Variants in LYRM4 observed in about 807,000 individuals in gnomAD.
LYRM4 encodes LYR motif-containing protein 4.
In LYRM4, 9 loss-of-function variants were observed where a neutral mutation model predicts 11.7. The observed-to-expected ratio is 0.77, with a 90% CI of 0.46 to 1.34. The LOEUF (loss-of-function observed/expected upper bound fraction) is 1.34, where lower values mean the gene tolerates loss of function less well. Ranked by LOEUF, LYRM4 falls within the 40% of genes most tolerant of loss-of-function variation. The pLI, the probability that LYRM4 is intolerant of heterozygous loss-of-function variation, is 0.00. For synonymous variants in LYRM4, 42 were observed against 40.4 expected (o/e 1.04, Z -0.15); for missense variants, 133 against 112.5 (o/e 1.18, Z -0.82).
intron 2 of LYRM4, among the ~76,000 whole-genome samples, chr6:5,198,124 G>A (rs1406802860): frequency 2.0e-5 from 3 of 152,166 alleles, no homozygotes; most frequent in Non-Finnish European, 4.4e-5. Context: ...CTTGAACCCA[G>A]AAGGCGGAGG....
chr6:5,064,644 A>G, the LYRM4 span, among the ~76,000 whole-genome samples: 5 of 152,152 alleles, frequency 3.3e-5, no homozygotes, highest in South Asian at 2.1e-4. Flanking sequence ...CCTCAAGGCA[A>G]TCCTCTCGCC....
chr6:5,215,582 A>G (rs747646581), intron 2 of LYRM4, among the ~76,000 whole-genome samples: 4 of 152,258 alleles, frequency 2.6e-5, no homozygotes, highest in Admixed American at 6.5e-5. Context: ...TGTAGGCAAT[A>G]TAACAAGACC....
rs759515417 is a variant in LYRM4 at position 5,222,408 on chromosome 6, C to T, written c.87-5670G>A. On this transcript the variant is annotated intron_variant, in intron 1 of 2. Transcript: ENST00000330636. ...TCAAGAAATACATACTAAATGCCTA[C>T]TATATAAGCATTATGCCAGGAGCTG... 6.4e-4 allele frequency among the ~76,000 whole-genome samples: 98 copies of T among 152,236 alleles called. 1 individual carries two copies. The highest frequency in any genetic ancestry group is 1.2e-3 in the Non-Finnish European group (80 of 68,022).
intron 2 of LYRM4, chr6:5,136,666 C>G (rs879940494): frequency 3.1e-5 from 31 of 985,290 alleles, no homozygotes; most frequent in Non-Finnish European, 3.7e-5. Flanking sequence ...AAGAAGGTGG[C>G]ATTTACAAAT....
chr6:5,214,558 C>A (rs1025024662), intron 2 of LYRM4, among the ~76,000 whole-genome samples: 7 of 152,026 alleles, frequency 4.6e-5, no homozygotes, highest in African/African-American at 1.7e-4. Context: ...GAGAACAGAC[C>A]ATGTGTGGGG....
At chr6:5,187,832 GA>G (rs56932935) in intron 2 of LYRM4, among the ~76,000 whole-genome samples, 1 of 150,862 alleles carries the variant, frequency 6.6e-6, no homozygotes, top group Non-Finnish European at 1.5e-5. Flanking sequence ...TGTGTTAGTG[GA>G]AAAAAAAAGA....
At chr6:5,061,245 C>T in the LYRM4 span, among the ~76,000 whole-genome samples, 1 of 152,044 alleles carries the variant, frequency 6.6e-6, no homozygotes, top group South Asian at 2.1e-4. Context: ...AGATTTTTGT[C>T]TCTTTTAACC....
chr6:5,175,957 C>T (rs1759691429), intron 2 of LYRM4, among the ~76,000 whole-genome samples: 1 of 152,180 alleles, frequency 6.6e-6, no homozygotes, highest in Non-Finnish European at 1.5e-5. Context: ...TTTGAGTACA[C>T]CCAGTGTTAC....
chr6:5,131,486 G>A (rs1020419851), intron 2 of LYRM4, among the ~76,000 whole-genome samples: 1 of 152,164 alleles, frequency 6.6e-6, no homozygotes, highest in African/African-American at 2.4e-5. Context: ...GATCACTTGA[G>A]GCCAGGAGTT....
chr6:5,122,602 T>G (rs1763507792), intron 2 of LYRM4, among the ~76,000 whole-genome samples: 1 of 152,190 alleles, frequency 6.6e-6, no homozygotes, highest in Non-Finnish European at 1.5e-5. Context: ...TGAGTGCCCC[T>G]TCCCCGTTGG....
intron 1 of LYRM4, among the ~76,000 whole-genome samples, chr6:5,241,203 T>C (rs1479092408): frequency 1.3e-5 from 2 of 152,224 alleles, no homozygotes; most frequent in African/African-American, 4.8e-5. Context: ...AAAAGAGCTG[T>C]TATGATTGTA....
At chr6:5,133,864 CT>C (rs1284545384) in intron 2 of LYRM4, among the ~76,000 whole-genome samples, 2 of 152,164 alleles carry the variant, frequency 1.3e-5, no homozygotes, top group Non-Finnish European at 2.9e-5. Flanking sequence ...TAATATGTGG[CT>C]TTTGTGTCAG....
chr6:5,154,580 G>A (rs554293770), intron 2 of LYRM4, among the ~76,000 whole-genome samples: 5 of 152,194 alleles, frequency 3.3e-5, no homozygotes. Context: ...ACTTTGGGAG[G>A]CCAAGGTGGG....
intron 1 of LYRM4, among the ~76,000 whole-genome samples, chr6:5,238,069 C>T (rs1256344161): frequency 6.6e-6 from 1 of 152,058 alleles, no homozygotes; most frequent in East Asian, 1.9e-4. Context: ...CTTCTAACCA[C>T]CCTTTTGCTT....
At chr6:5,115,167 T>G (rs1383905769) in intron 2 of LYRM4, among the ~76,000 whole-genome samples, 1 of 152,238 alleles carries the variant, frequency 6.6e-6, no homozygotes, top group Non-Finnish European at 1.5e-5. Context: ...ATTATCATTC[T>G]TATATATAAC....
chr6:5,240,881 G>A (rs1212026321), intron 1 of LYRM4, among the ~76,000 whole-genome samples: 2 of 152,204 alleles, frequency 1.3e-5, no homozygotes, highest in African/African-American at 2.4e-5. Context: ...ACTGGAACGC[G>A]TCAGTCTTAT....
intron 2 of LYRM4, among the ~76,000 whole-genome samples, chr6:5,118,115 G>GTTTTTTTT (rs368008500): frequency 7.7e-6 from 1 of 130,494 alleles, no homozygotes; most frequent in African/African-American, 2.9e-5. Flanking sequence ...GTTTTGTTTT[G>GTTTTTTTT]TTTTTTTTTT....
At chr6:5,236,702 T>A (rs1006419535) in intron 1 of LYRM4, among the ~76,000 whole-genome samples, 2 of 150,878 alleles carry the variant, frequency 1.3e-5, no homozygotes, top group Admixed American at 6.6e-5. Context: ...AATCCCAGCA[T>A]TTTGGGAGGC....
At chr6:5,176,647 T>C (rs1468315162) in intron 2 of LYRM4, among the ~76,000 whole-genome samples, 1 of 152,240 alleles carries the variant, frequency 6.6e-6, no homozygotes, top group Non-Finnish European at 1.5e-5. Context: ...TGGCTGTTAC[T>C]GAGGCCTGAA....
Sources: gnomAD v4.1 joint callset for allele counts (sites outside exome capture counted in the v4.1 genomes callset) on GRCh38, gnomAD v4.1.1 for gene constraint, MANE v1.5 for transcripts, NCBI Gene and HGNC (gene_info 2026-07-23, HGNC 2026-07-21) for gene names.